The following LPAR1 variants were observed in gnomAD, a reference collection of about 807,000 sequenced individuals.
LPAR1 encodes the protein lysophosphatidic acid receptor 1.
In LPAR1, 5 loss-of-function variants were observed where a neutral mutation model predicts 23.8. The observed-to-expected ratio is 0.21, with a 90% CI of 0.11 to 0.44. The LOEUF (loss-of-function observed/expected upper bound fraction) is 0.44, where lower values mean the gene tolerates loss of function less well. Among genes scored for constraint, LPAR1 ranks in the 20% least tolerant of loss-of-function variants. The pLI is 0.99. For missense variants in LPAR1, 311 were observed against 482.8 expected, an observed-to-expected ratio of 0.64 and a Z score of 3.33; for synonymous variants, 160 against 164.7, an observed-to-expected ratio of 0.97 and a Z score of 0.22.
intron 2 of LPAR1, among the ~76,000 whole-genome samples, chr9:111,031,408 A>T (rs866533952): frequency 7.6e-6 from 1 of 131,340 alleles, no homozygotes; most frequent in Non-Finnish European, 1.5e-5. Flanking sequence ...AAAAAAAAAG[A>T]AAAAAAAAAA....
Position 110,972,118 on chromosome 9 carries a change from G to A in LPAR1, c.-1C>T. On this transcript the variant is annotated 5_prime_UTR_variant, in exon 4 of 6. Transcript: ENST00000683809. ...GGATGGAAGTAGAGATGGCAGCCAT[G>A]ACAGCTCTGTGGTTGTAGGTGGTGA... The A allele has an allele frequency of 6.2e-7, 1 of 1,613,904 alleles. No homozygotes were observed. The highest frequency in any genetic ancestry group is 8.5e-7 in the Non-Finnish European group (1 of 1,179,814).
intron 5 of LPAR1, among the ~76,000 whole-genome samples, chr9:110,910,644 G>T (rs1389391817): frequency 6.6e-6 from 1 of 152,128 alleles, no homozygotes; most frequent in African/African-American, 2.4e-5. Context: ...AAACTTTCTG[G>T]AAAGAATTCA....
intron 2 of LPAR1, among the ~76,000 whole-genome samples, chr9:110,977,988 G>T (rs1489831945): frequency 6.6e-6 from 1 of 152,106 alleles, no homozygotes; most frequent in Non-Finnish European, 1.5e-5. Flanking sequence ...AAGCAAAGGA[G>T]AAAAATCTAA....
intron 2 of LPAR1, among the ~76,000 whole-genome samples, chr9:111,020,962 C>G (rs898563278): frequency 6.6e-6 from 1 of 152,126 alleles, no homozygotes; most frequent in Non-Finnish European, 1.5e-5. Context: ...ACAGAAAAAG[C>G]ATGCATCTCA....
rs1415680674 is a variant in LPAR1 at position 111,038,132 on chromosome 9, G to C, written c.-262+35C>G. 1.3e-5 allele frequency: 2 copies of C among 151,320 alleles called. No homozygotes were observed. The highest frequency in any genetic ancestry group is 3.0e-5 in the Non-Finnish European group (2 of 67,748). The allele number at this position is 151,320 out of a possible 1,614,324, so 9.4% of individuals were successfully genotyped here. ...GCGGCCTCTGGCTTCGCGCCCAGGG[G>C]GCGCCGTCCCCACACGCCGCGCCGG... On this transcript the variant is annotated intron_variant, in intron 1 of 5. Transcript: ENST00000683809. This position sits in a 1 kb window ranked among gnomAD's most constrained non-coding sequence, Gnocchi z 4.4.
At chr9:111,019,199 T>C (rs2097513018) in intron 2 of LPAR1, among the ~76,000 whole-genome samples, 1 of 152,150 alleles carries the variant, frequency 6.6e-6, no homozygotes, top group Admixed American at 6.5e-5. Flanking sequence ...GGGCCAGGTA[T>C]GGTGGCTCAC....
At chr9:110,962,951 C>T (rs2096060003) in intron 4 of LPAR1, among the ~76,000 whole-genome samples, 1 of 152,132 alleles carries the variant, frequency 6.6e-6, no homozygotes, top group African/African-American at 2.4e-5. Flanking sequence ...CACTGTCCCA[C>T]CTTAGTGTGT....
intron 5 of LPAR1, among the ~76,000 whole-genome samples, chr9:110,923,906 G>C (rs1280149634): frequency 6.6e-6 from 1 of 152,140 alleles, no homozygotes; most frequent in Non-Finnish European, 1.5e-5. Flanking sequence ...CTTTCACATG[G>C]AACAAAGTAC....
At chr9:110,996,170 A>G (rs1484329188) in intron 2 of LPAR1, among the ~76,000 whole-genome samples, 13 of 152,194 alleles carry the variant, frequency 8.5e-5, no homozygotes. Flanking sequence ...AAATATGTAG[A>G]GAATGGAGAA....
At chr9:111,008,309 C>A (rs2097261104) in intron 2 of LPAR1, among the ~76,000 whole-genome samples, 1 of 152,138 alleles carries the variant, frequency 6.6e-6, no homozygotes, top group Non-Finnish European at 1.5e-5. Flanking sequence ...AGCACAAAAA[C>A]ATGTAAAACT....
intron 2 of LPAR1, among the ~76,000 whole-genome samples, chr9:110,994,105 A>G (rs2096949080): frequency 6.6e-6 from 1 of 152,178 alleles, no homozygotes; most frequent in Non-Finnish European, 1.5e-5. Flanking sequence ...CATCACCAAT[A>G]ATGGAGCAAA....
At chr9:110,980,870 T>C (rs2096652388) in intron 2 of LPAR1, among the ~76,000 whole-genome samples, 1 of 152,076 alleles carries the variant, frequency 6.6e-6, no homozygotes, top group Non-Finnish European at 1.5e-5. Context: ...TGTATATACA[T>C]GTATCAAAAT....
chr9:110,905,269 G>A (rs150279682), intron 5 of LPAR1, among the ~76,000 whole-genome samples: 1 of 152,146 alleles, frequency 6.6e-6, no homozygotes, highest in Non-Finnish European at 1.5e-5. Context: ...CTTGAGAAGT[G>A]CTAGGTCATA....
chr9:111,021,121 T>C (rs1374243872), intron 2 of LPAR1, among the ~76,000 whole-genome samples: 2 of 152,216 alleles, frequency 1.3e-5, no homozygotes, highest in Non-Finnish European at 2.9e-5. Flanking sequence ...AATATACTGG[T>C]AAGAAAAGCT....
intron 2 of LPAR1, among the ~76,000 whole-genome samples, chr9:110,988,939 A>C (rs2096843611): frequency 1.3e-5 from 2 of 152,220 alleles, no homozygotes; most frequent in South Asian, 4.1e-4. Context: ...AAACAATGGA[A>C]TATTATTGAG....
chr9:110,983,919 G>C (rs1037394111), intron 2 of LPAR1, among the ~76,000 whole-genome samples: 4 of 151,904 alleles, frequency 2.6e-5, no homozygotes, highest in African/African-American at 9.7e-5. Context: ...AGCCAATCAA[G>C]CCTTTGTTTA....
At chr9:110,887,461 A>T (rs1323994974) in intron 5 of LPAR1, among the ~76,000 whole-genome samples, 32 of 152,102 alleles carry the variant, frequency 2.1e-4, no homozygotes, top group Non-Finnish European at 1.5e-5. Context: ...ATAGCTGCCA[A>T]ATGCCCTGGA....
In LPAR1 at chr9:110,891,213, ATAAAT is replaced by A. The variant is rs373769092; in HGVS notation, c.794-15496_794-15492del. ...TTGTAACTCAGAAAAGTGGGCATAT[ATAAAT>A]TAAAGTACAAAACTAAATGGATTTC... On this transcript the variant is annotated intron_variant, in intron 5 of 5. Coordinates refer to ENST00000683809, the MANE Select transcript of LPAR1 (RefSeq NM_001351411.2). Among the ~76,000 whole-genome samples the A allele has an allele frequency of 5.6e-3, 847 of 152,338 alleles. 13 individuals carry two copies. Among genetic ancestry groups the A allele is most frequent in the African/African-American group, 0.019 (790 of 41,588 alleles).
intron 2 of LPAR1, among the ~76,000 whole-genome samples, chr9:110,978,748 T>G (rs977177231): frequency 3.9e-5 from 6 of 152,206 alleles, no homozygotes; most frequent in Non-Finnish European, 7.3e-5. Context: ...GAAAGATTTT[T>G]CTCTCTGGAA....
Sources: allele counts gnomAD v4.1 joint callset (sites outside exome capture counted in the v4.1 genomes callset), GRCh38; gene constraint gnomAD v4.1.1; non-coding constraint Gnocchi (gnomAD v3.1); transcripts MANE v1.5; gene names NCBI Gene and HGNC (gene_info 2026-07-23, HGNC 2026-07-21).